The following DIDO1 variants were observed in gnomAD, a reference collection of about 807,000 sequenced individuals.
DIDO1 encodes the protein death inducer-obliterator 1.
A neutral mutation model predicts 99.4 loss-of-function variants in DIDO1; 16 were observed. That is an observed-to-expected ratio of 0.16 (90% CI 0.11 to 0.24). The LOEUF (loss-of-function observed/expected upper bound fraction) is 0.24, where lower values mean the gene tolerates loss of function less well. Ranked by LOEUF, DIDO1 falls within the 10% of genes least tolerant of loss-of-function variation. DIDO1 has a pLI of 1.00. For missense variants in DIDO1, 2,996 were observed against 3,014.0 expected (o/e 0.99, Z 0.14); for synonymous variants, 1,366 against 1,239.1 (o/e 1.10, Z -2.15).
chr20:62,887,909 A>G (rs2064322392), intron 15 of DIDO1: 3 of 985,336 alleles, frequency 3.0e-6, no homozygotes, highest in Admixed American at 6.1e-5. Flanking sequence ...GAGTGCCCCC[A>G]CTGCGGGGCA....
At chr20:62,925,919 C>T (rs2147590755) in intron 1 of DIDO1, among the ~76,000 whole-genome samples, 1 of 152,372 alleles carries the variant, frequency 6.6e-6, no homozygotes, top group East Asian at 1.9e-4. Flanking sequence ...GCCAGCCGCC[C>T]CTGCAGTGCC....
intron 6 of DIDO1, among the ~76,000 whole-genome samples, chr20:62,904,651 C>T (rs939162942): frequency 6.6e-5 from 10 of 151,816 alleles, no homozygotes; most frequent in Admixed American, 3.3e-4. Flanking sequence ...CATGGTGGCA[C>T]GGGCCTGTAA....
intron 9 of DIDO1, 23 bp downstream of exon 9, chr20:62,895,026 C>T (rs772989611): frequency 4.7e-5 from 76 of 1,600,728 alleles, no homozygotes; most frequent in Non-Finnish European, 6.3e-5. Flanking sequence ...TGGGTGCCTC[C>T]GCAGGTACCC....
intron 1 of DIDO1, among the ~76,000 whole-genome samples, chr20:62,932,792 T>C (rs1043796570): frequency 6.6e-6 from 1 of 152,234 alleles, no homozygotes; most frequent in African/African-American, 2.4e-5. Context: ...CTTTCTGATT[T>C]AGTGGTATAA....
intron 6 of DIDO1, chr20:62,905,261 G>A: frequency 1.5e-6 from 2 of 1,346,382 alleles, no homozygotes; most frequent in Non-Finnish European, 1.9e-6. Context: ...ACTTACCGTG[G>A]GGCCTATGAA....
intron 4 of DIDO1, among the ~76,000 whole-genome samples, chr20:62,908,591 C>A (rs773529724): frequency 6.6e-6 from 1 of 152,200 alleles, no homozygotes; most frequent in African/African-American, 2.4e-5. Flanking sequence ...TAAGCGAAAC[C>A]TTATTTCTCA....
chr20:62,894,120 A>G lies in DIDO1; in HGVS notation c.2647T>C (p.Leu883=), dbSNP rs922167893. 4 of 1,614,220 alleles carry G rather than the reference A, an allele frequency of 2.5e-6. No individual in the cohort carries two copies. Among genetic ancestry groups the G allele is most frequent in the Non-Finnish European group, 3.4e-6 (4 of 1,180,046 alleles). ...KLSASVKKED[L]KSKHDSSAPD... is the part of the protein sequence containing the mutation. ...GCAGAGCTGTCATGCTTTGATTTTA[A>G]GTCTTCTTTCTTAACAGAAGCTGAC... The change falls in exon 12 of 16, where the codon TTA becomes CTA. Residue 883 remains leucine, a synonymous_variant. Coordinates refer to ENST00000395343, the MANE Select transcript of DIDO1 (RefSeq NM_001193369.2). The surrounding 1 kb of genome is among the most constrained non-coding windows in gnomAD (Gnocchi z 4.4).
At chr20:62,898,264 G>A (rs2064581776) in intron 6 of DIDO1, among the ~76,000 whole-genome samples, 1 of 152,234 alleles carries the variant, frequency 6.6e-6, no homozygotes, top group African/African-American at 2.4e-5. Flanking sequence ...GCTTGGTCCT[G>A]CAGGATATCC....
At chr20:62,900,077 C>T (rs1007558458) in intron 6 of DIDO1, among the ~76,000 whole-genome samples, 1 of 152,228 alleles carries the variant, frequency 6.6e-6, no homozygotes, top group African/African-American at 2.4e-5. Flanking sequence ...AAACACAGGG[C>T]TCTGTCAGGG....
intron 2 of DIDO1, among the ~76,000 whole-genome samples, chr20:62,913,567 TAGA>T (rs767709733): frequency 8.5e-5 from 13 of 152,398 alleles, no homozygotes; most frequent in South Asian, 2.1e-4. Flanking sequence ...ATTTTACATT[TAGA>T]AGAAGTTTTC....
rs2064428691 is a variant in DIDO1, at chr20:62,892,846, G to C, written c.3218C>G (p.Ala1073Gly). The change falls in exon 13 of 16, where the codon GCG (alanine) becomes GGG (glycine). Residue 1073 changes from alanine to glycine, a missense_variant. Transcript: ENST00000395343. ...MQSVAKFVTK[A>G]YPVSGCFDYL... ...ATCAAAACACCCAGAGACAGGATAC[G>C]CCTTAGTGACAAATTTTGCCACACT... The C allele has an allele frequency of 1.9e-6, 3 of 1,613,890 alleles. No homozygotes were observed. Among genetic ancestry groups the C allele is most frequent in the Non-Finnish European group, 1.7e-6 (2 of 1,179,984 alleles).
upstream of DIDO1, among the ~76,000 whole-genome samples, chr20:62,930,696 A>AGT (rs550676739): frequency 2.6e-5 from 4 of 152,260 alleles, no homozygotes; most frequent in Non-Finnish European, 5.9e-5. Context: ...AATTATGGAC[A>AGT]GTGTCTTATC....
Position 62,880,796 on chromosome 20 carries a change from C to A in DIDO1, c.5160G>T (p.Glu1720Asp). 1.2e-6 allele frequency: 2 copies of A among 1,612,758 alleles called. No homozygotes were observed. Among genetic ancestry groups the A allele is most frequent in the African/African-American group, 1.3e-5 (1 of 75,046 alleles). The change falls in exon 16 of 16, where the codon GAG becomes GAT. Residue 1720 changes from glutamate (E) to aspartate (D), a missense_variant. Transcript: ENST00000395343. The part of the protein sequence containing the change: ...GRSSSPAGET[E>D]GDREPQARPG... ...GTCTGGCCTGTGGCTCTCTGTCCCC[C>A]TCTGTTTCACCTGCAGGGCTGCTGC...
At chr20:62,888,042 G>A in intron 15 of DIDO1, 1 of 985,526 alleles carries the variant, frequency 1.0e-6, no homozygotes, top group Non-Finnish European at 1.2e-6. Flanking sequence ...GTGCTGCGGG[G>A]GCAGCTCCAC....
In DIDO1 at chr20:62,879,317, G is replaced by GTCCT; in HGVS notation, c.6635_6638dup (p.Asp2213GlufsTer45). The GTCCT allele has an allele frequency of 6.4e-7, 1 of 1,569,930 alleles. No individual in the cohort carries two copies. Among genetic ancestry groups the GTCCT allele is most frequent in the Non-Finnish European group, 8.6e-7 (1 of 1,159,904 alleles). On this transcript the variant is annotated frameshift_variant, in exon 16 of 16. Transcript: ENST00000395343. LOFTEE classifies it low-confidence loss of function (END_TRUNC). This position sits in a 1 kb window ranked among gnomAD's most constrained non-coding sequence, Gnocchi z 6.3. ...GAGCGCTCTCTTTGCTCTTGCTCCG[G>GTCCT]TCCTTGCGGTCGCGGCCCCGCTCCC...
At chr20:62,893,606 T>C (rs950243742) in intron 12 of DIDO1, 60 bp downstream of exon 12, 5 of 1,495,384 alleles carry the variant, frequency 3.3e-6, no homozygotes, top group Admixed American at 4.4e-5. Flanking sequence ...CCAGTTATCT[T>C]TCCTTTCGTT....
chr20:62,886,219 G>A (rs1176977851), intron 15 of DIDO1, among the ~76,000 whole-genome samples: 4 of 152,248 alleles, frequency 2.6e-5, no homozygotes, highest in Admixed American at 6.5e-5. Context: ...CGCCAGCTGC[G>A]GCTAAACGTG....
intron 15 of DIDO1, 37 bp downstream of exon 15, chr20:62,890,923 G>A: frequency 6.2e-7 from 1 of 1,612,540 alleles, no homozygotes; most frequent in East Asian, 2.2e-5. Flanking sequence ...TGCAGGTGCA[G>A]GTGGGCCTCA....
chr20:62,905,225 C>T, intron 6 of DIDO1: 2 of 1,239,514 alleles, frequency 1.6e-6, no homozygotes, highest in Non-Finnish European at 2.0e-6. Context: ...GTCCTGCGGT[C>T]AGGACAGTGT....
Sources: allele counts gnomAD v4.1 joint callset (sites outside exome capture counted in the v4.1 genomes callset), GRCh38; gene constraint gnomAD v4.1.1; non-coding constraint Gnocchi (gnomAD v3.1); transcripts MANE v1.5; gene names NCBI Gene and HGNC (gene_info 2026-07-23, HGNC 2026-07-21).